SGMS1: variants seen among roughly 807,000 people sequenced by gnomAD.
SGMS1 encodes sphingomyelin synthase 1, also known as phosphatidylcholine:ceramide cholinephosphotransferase 1.
Under a neutral mutation model 46.2 loss-of-function variants are expected in SGMS1, and 13 were observed. The ratio of observed to expected loss-of-function variants is 0.28; its 90% CI spans 0.18 to 0.45. SGMS1 has a LOEUF of 0.45. Among genes scored for constraint, SGMS1 ranks in the 20% least tolerant of loss-of-function variants. SGMS1 has a pLI of 1.00. For missense variants in SGMS1, 324 were observed against 519.9 expected, an observed-to-expected ratio of 0.62 and a Z score of 3.66; for synonymous variants, 203 against 187.8, an observed-to-expected ratio of 1.08 and a Z score of -0.66.
At chr10:50,461,065 A>G (rs1740851593) in intron 4 of SGMS1, among the ~76,000 whole-genome samples, 1 of 152,072 alleles carries the variant, frequency 6.6e-6, no homozygotes, top group Non-Finnish European at 1.5e-5. Context: ...AGCTTACTCC[A>G]TCTTTTCTAA....
At chr10:50,455,750 T>G (rs1425093795) in intron 5 of SGMS1, among the ~76,000 whole-genome samples, 1 of 152,144 alleles carries the variant, frequency 6.6e-6, no homozygotes, top group Non-Finnish European at 1.5e-5. Flanking sequence ...CTGGCTGAAT[T>G]TCATACACCA....
At chr10:50,623,412 C>T (rs993190023) in intron 1 of SGMS1, among the ~76,000 whole-genome samples, 1 of 152,174 alleles carries the variant, frequency 6.6e-6, no homozygotes, top group Admixed American at 6.5e-5. Flanking sequence ...TGCCCACTGA[C>T]GCCTCCTCCT....
intron 2 of SGMS1, among the ~76,000 whole-genome samples, chr10:50,545,765 C>T (rs948471854): frequency 7.2e-5 from 11 of 152,058 alleles, no homozygotes; most frequent in African/African-American, 1.9e-4. Flanking sequence ...AGAAAGAATG[C>T]GGTAGAAGAG....
Position 50,415,620 on chromosome 10 carries a change from A to G in SGMS1, c.-232+17856T>C, listed in dbSNP as rs184806675. ...GCAATGCCTAGTCCTGGAATATTTC[A>G]TGGTATTTCATGGTCTTCGATGAAG... On this transcript the variant is annotated intron_variant, in intron 6 of 10. Coordinates refer to ENST00000361781, the MANE Select transcript of SGMS1 (RefSeq NM_147156.4). Among the ~76,000 whole-genome samples the G allele has an allele frequency of 2.4e-3, 365 of 152,240 alleles. 4 individuals are homozygous for G. The highest frequency in any genetic ancestry group is 2.7e-3 in the Non-Finnish European group (187 of 68,012).
chr10:50,347,361 C>A (rs945171879), intron 6 of SGMS1, among the ~76,000 whole-genome samples: 1 of 152,096 alleles, frequency 6.6e-6, no homozygotes, highest in African/African-American at 2.4e-5. Flanking sequence ...TTTGGACGCG[C>A]AAGGAGAATA....
At chr10:50,383,551 C>T (rs1353233550) in intron 6 of SGMS1, among the ~76,000 whole-genome samples, 1 of 151,984 alleles carries the variant, frequency 6.6e-6, no homozygotes, top group Non-Finnish European at 1.5e-5. Flanking sequence ...ATAAACATGA[C>T]CTTTATAATC....
chr10:50,602,599 T>G (rs150535323), intron 1 of SGMS1, among the ~76,000 whole-genome samples: 1 of 152,336 alleles, frequency 6.6e-6, no homozygotes, highest in East Asian at 1.9e-4. Context: ...GGGCAATGAC[T>G]GAGACAGCAA....
chr10:50,541,609 G>A (rs1283146406), intron 2 of SGMS1, among the ~76,000 whole-genome samples: 1 of 152,148 alleles, frequency 6.6e-6, no homozygotes, highest in Non-Finnish European at 1.5e-5. Flanking sequence ...ACAGAGAGTG[G>A]TTGTTAAGCT....
chr10:50,326,710 C>A (rs7907477), intron 8 of SGMS1, among the ~76,000 whole-genome samples: 2,278 of 152,148 alleles, frequency 0.015, 58 homozygotes, highest in African/African-American at 0.053. Context: ...AAAAAGACTT[C>A]TTTGTTACTA....
At chr10:50,371,608 C>T (rs771530131) in intron 6 of SGMS1, among the ~76,000 whole-genome samples, 16 of 152,206 alleles carry the variant, frequency 1.1e-4, no homozygotes, top group Admixed American at 6.5e-5. Flanking sequence ...TTTGAACATG[C>T]TATTGTCTCC....
chr10:50,333,022 TC>T (rs1000849293), intron 7 of SGMS1, among the ~76,000 whole-genome samples: 5 of 152,214 alleles, frequency 3.3e-5, no homozygotes, highest in African/African-American at 4.8e-5. Context: ...TCTGCTATAA[TC>T]CTATGCATCT....
At position 50,307,117 on chromosome 10, in the gene SGMS1, G is replaced by C; in HGVS notation, c.*25C>G. On this transcript the variant is annotated 3_prime_UTR_variant, in exon 11 of 11. Transcript: ENST00000361781. The surrounding 1 kb of genome is among the most constrained non-coding windows in gnomAD (Gnocchi z 4.2). The stretch of plus-strand genomic sequence containing the variant: ...GAGTTCTTAGCACTTCGGACAATTT[G>C]TCTTTTCCCCACTTTGTACAGCTGT... The C allele has an allele frequency of 6.2e-7, 1 of 1,605,396 alleles. No individual in the cohort carries two copies. The highest frequency in any genetic ancestry group is 8.5e-7 in the Non-Finnish European group (1 of 1,174,532).
intron 5 of SGMS1, among the ~76,000 whole-genome samples, chr10:50,439,087 G>A (rs1252551399): frequency 1.3e-5 from 2 of 152,130 alleles, no homozygotes; most frequent in African/African-American, 4.8e-5. Flanking sequence ...AATAAAACAT[G>A]TTCCAAGAGA....
chr10:50,453,445 T>C (rs981566116), intron 5 of SGMS1, among the ~76,000 whole-genome samples: 1 of 151,142 alleles, frequency 6.6e-6, no homozygotes, highest in African/African-American at 2.4e-5. Flanking sequence ...AATTTAAAAA[T>C]ATAAAAATCC....
At chr10:50,458,935 C>T (rs946085877) in intron 5 of SGMS1, among the ~76,000 whole-genome samples, 7 of 152,124 alleles carry the variant, frequency 4.6e-5, no homozygotes, top group African/African-American at 1.7e-4. Flanking sequence ...CTATATAGTG[C>T]AACTTCCTGG....
chr10:50,480,607 T>C (rs1036001558), intron 3 of SGMS1, among the ~76,000 whole-genome samples: 1 of 151,806 alleles, frequency 6.6e-6, no homozygotes, highest in Non-Finnish European at 1.5e-5. Flanking sequence ...GAAACCATGC[T>C]CTTTCCATAG....
intron 3 of SGMS1, among the ~76,000 whole-genome samples, chr10:50,491,541 G>C (rs1055339452): frequency 6.6e-6 from 1 of 152,084 alleles, no homozygotes; most frequent in Non-Finnish European, 1.5e-5. Flanking sequence ...AATTAAGATT[G>C]TGCTGTCATA....
At chr10:50,559,479 C>T (rs180714931) in intron 2 of SGMS1, among the ~76,000 whole-genome samples, 1 of 152,218 alleles carries the variant, frequency 6.6e-6, no homozygotes, top group Admixed American at 6.5e-5. Flanking sequence ...ATATAGCTCT[C>T]TTGGCCAATT....
intron 7 of SGMS1, chr10:50,328,071 A>G (rs1186814205): frequency 2.6e-6 from 1 of 389,936 alleles, no homozygotes; most frequent in Non-Finnish European, 4.9e-6. Flanking sequence ...TAGTTTTATT[A>G]TTATTAGGTT....
Sources: allele counts gnomAD v4.1 joint callset (sites outside exome capture counted in the v4.1 genomes callset), GRCh38; gene constraint gnomAD v4.1.1; non-coding constraint Gnocchi (gnomAD v3.1); transcripts MANE v1.5; gene names NCBI Gene and HGNC (gene_info 2026-07-23, HGNC 2026-07-21).